The following DYNLT2B variants were observed in gnomAD, a reference collection of about 807,000 sequenced individuals.
DYNLT2B encodes the protein dynein light chain Tctex-type 2B, also known as dynein light chain Tctex-type protein 2B.
In DYNLT2B, 14 loss-of-function variants were observed where a neutral mutation model predicts 19.5. The observed-to-expected ratio is 0.72, with a 90% confidence interval of 0.47 to 1.12. DYNLT2B has a LOEUF of 1.12. Among genes scored for constraint, DYNLT2B ranks in the 50% most tolerant of loss-of-function variants. DYNLT2B has a pLI of 0.00. For synonymous variants in DYNLT2B, 70 were observed against 59.7 expected (o/e 1.17, Z -0.79); for missense variants, 133 against 174.7 (o/e 0.76, Z 1.35).
intron 2 of DYNLT2B, among the ~76,000 whole-genome samples, chr3:196,310,268 ATTTTTT>A (rs59708062): frequency 7.0e-6 from 1 of 142,218 alleles, no homozygotes; most frequent in East Asian, 2.1e-4. Context: ...CGCTCGGCTA[ATTTTTT>A]TTTTTTTTTG....
At chr3:196,304,692 A>C (rs1211364584) in intron 3 of DYNLT2B, among the ~76,000 whole-genome samples, 1 of 137,436 alleles carries the variant, frequency 7.3e-6, no homozygotes, top group Non-Finnish European at 1.6e-5. Flanking sequence ...ACTCCATCTC[A>C]AAAAAAAAAC....
At chr3:196,312,382 C>A (rs913786702) in intron 2 of DYNLT2B, among the ~76,000 whole-genome samples, 1 of 151,910 alleles carries the variant, frequency 6.6e-6, no homozygotes, top group African/African-American at 2.4e-5. Flanking sequence ...AACAAGTTAC[C>A]ACTGAATGTC....
At chr3:196,293,941 CAAA>C (rs942631032) in intron 4 of DYNLT2B, among the ~76,000 whole-genome samples, 1 of 150,350 alleles carries the variant, frequency 6.7e-6, no homozygotes, top group Admixed American at 6.6e-5. Context: ...CCGTGCCTGG[CAAA>C]AAAAACCATC....
intron 3 of DYNLT2B, among the ~76,000 whole-genome samples, chr3:196,304,583 C>T (rs73212155): frequency 0.32 from 48,418 of 151,564 alleles, 8,823 homozygotes; most frequent in East Asian, 0.83. Context: ...CCCAGCTACT[C>T]GGGAGGCTGA....
intron 3 of DYNLT2B, among the ~76,000 whole-genome samples, chr3:196,298,879 G>GT (rs1410033586): frequency 2.6e-5 from 4 of 152,078 alleles, no homozygotes; most frequent in African/African-American, 4.8e-5. Context: ...ACTAGTAGGA[G>GT]AGTTGGCAGT....
chr3:196,317,464 TTTTTCA>T (rs1417325883), intron 1 of DYNLT2B, among the ~76,000 whole-genome samples: 1 of 50,098 alleles, frequency 2.0e-5, no homozygotes, highest in Non-Finnish European at 4.3e-5. Context: ...GCCTGATATT[TTTTTCA>T]GTGTGTGTGT....
At chr3:196,300,592 G>T (rs1726327369) in intron 3 of DYNLT2B, among the ~76,000 whole-genome samples, 1 of 151,926 alleles carries the variant, frequency 6.6e-6, no homozygotes, top group Admixed American at 6.6e-5. Context: ...AGCCGGGCGT[G>T]GTGGCGTGCG....
rs766748912 is a variant in DYNLT2B, at chr3:196,318,030, C to G, written c.113+10G>C. On this transcript the variant is annotated intron_variant, in intron 1 of 4. Coordinates refer to ENST00000325318, the MANE Select transcript of DYNLT2B (RefSeq NM_152773.5). ...CGAGGTCGCCCCGCCACAGCCCGTC[C>G]TCTACCCGCCTCTGCTGGAAAACAG... is the stretch of plus-strand genomic sequence containing the variant. 1 of 1,496,042 alleles carries G rather than the reference C, an allele frequency of 6.7e-7. No individual in the cohort carries two copies. The highest frequency in any genetic ancestry group is 1.4e-5 in the African/African-American group (1 of 69,938). The allele number at this position is 1,496,042 out of a possible 1,614,324, so 92.7% of individuals were successfully genotyped here.
At chr3:196,293,916 T>C (rs967276098) in intron 4 of DYNLT2B, among the ~76,000 whole-genome samples, 2 of 150,732 alleles carry the variant, frequency 1.3e-5, no homozygotes, top group Non-Finnish European at 3.0e-5. Context: ...GTGCTGGGAT[T>C]ACAGGCATGA....
Position 196,318,163 on chromosome 3 carries a change from C to A in DYNLT2B, c.-11G>T. ...GATGGACGTGGCCATGCCGGGGCTT[C>A]TCGGTCCGGGCGTAGCTCGCGATGA... On this transcript the variant is annotated 5_prime_UTR_variant, in exon 1 of 5. Coordinates refer to ENST00000325318, the MANE Select transcript of DYNLT2B (RefSeq NM_152773.5). The A allele has an allele frequency of 1.3e-6, 2 of 1,485,692 alleles. No individual in the cohort carries two copies. Among genetic ancestry groups the A allele is most frequent in the Non-Finnish European group, 9.0e-7 (1 of 1,117,030 alleles). 92.0% of individuals were successfully genotyped at this position (1,485,692 alleles called of 1,614,324 possible).
chr3:196,308,843 A>ATACT lies in DYNLT2B; in HGVS notation c.248-1832_248-1831insAGTA, dbSNP rs1263510432. Among the ~76,000 whole-genome samples the ATACT allele has an allele frequency of 1.2e-4, 18 of 152,330 alleles. No homozygotes were observed. The East Asian group carries it at 2.7e-3, about 23-fold the overall frequency. On this transcript the variant is annotated intron_variant, in intron 2 of 4. Transcript: ENST00000325318. ...AATTATACAGAAATGTGTCTAGAAT[A>ATACT]ATACTCAGCCCTTAAATCACGGTTC...
chr3:196,291,416 G>A (rs777582957), intron 4 of DYNLT2B, 42 bp from the exon 5 acceptor site: 2 of 1,577,808 alleles, frequency 1.3e-6, no homozygotes, highest in Non-Finnish European at 1.7e-6. Flanking sequence ...CAGAATGTTA[G>A]TACTAAAGAG....
At chr3:196,296,423 A>T (rs1726224456) in intron 3 of DYNLT2B, 1 of 174,958 alleles carries the variant, frequency 5.7e-6, no homozygotes, top group South Asian at 1.8e-4. Context: ...AGAGCCCAAC[A>T]GATTTAGTCC....
At chr3:196,309,870 C>T (rs939654908) in intron 2 of DYNLT2B, among the ~76,000 whole-genome samples, 1 of 151,190 alleles carries the variant, frequency 6.6e-6, no homozygotes, top group Admixed American at 6.6e-5. Flanking sequence ...ATCGCTTGAA[C>T]CTGGGAGGTG....
chr3:196,314,736 C>T (rs892920258), intron 2 of DYNLT2B, among the ~76,000 whole-genome samples: 3 of 151,146 alleles, frequency 2.0e-5, no homozygotes, highest in East Asian at 2.0e-4. Context: ...ATGGGAGGAT[C>T]GCTTGAGCCA....
rs565241521 is a variant in DYNLT2B at position 196,293,024 on chromosome 3, T to A, written c.382-1650A>T. Among the ~76,000 whole-genome samples the A allele has an allele frequency of 1.2e-3, 176 of 152,300 alleles. 1 individual carries two copies. The highest frequency in any genetic ancestry group is 3.9e-4 in the East Asian group (2 of 5,154). Reference sequence around the variant, plus strand: ...GCCCGCCACCTTGCCCGGCTAGTTTTTGTATTTTTAGTAGAGATGGGGTTT... The same window carrying A: ...GCCCGCCACCTTGCCCGGCTAGTTTATGTATTTTTAGTAGAGATGGGGTTT... On this transcript the variant is annotated intron_variant, in intron 4 of 4. Coordinates refer to ENST00000325318, the MANE Select transcript of DYNLT2B (RefSeq NM_152773.5).
chr3:196,316,911 TGTG>T (rs1726824659), intron 1 of DYNLT2B, among the ~76,000 whole-genome samples: 4 of 45,976 alleles, frequency 8.7e-5, no homozygotes, highest in Non-Finnish European at 1.5e-4. Flanking sequence ...GTGTGTGTTG[TGTG>T]GTGTGTGTGT....
chr3:196,304,440 GT>G (rs1477795643), intron 3 of DYNLT2B, among the ~76,000 whole-genome samples: 1 of 151,902 alleles, frequency 6.6e-6, no homozygotes, highest in Middle Eastern at 3.4e-3. Flanking sequence ...GCCAAAAACT[GT>G]TTTTTTTAAA....
At chr3:196,302,512 A>C (rs970978758) in intron 3 of DYNLT2B, among the ~76,000 whole-genome samples, 1 of 152,220 alleles carries the variant, frequency 6.6e-6, no homozygotes, top group South Asian at 2.1e-4. Flanking sequence ...CTACAAAATA[A>C]ATAAAGTAGT....
Sources: gnomAD v4.1 joint callset for allele counts (sites outside exome capture counted in the v4.1 genomes callset) on GRCh38, gnomAD v4.1.1 for gene constraint, MANE v1.5 for transcripts, NCBI Gene and HGNC (gene_info 2026-07-23, HGNC 2026-07-21) for gene names.